The following FAT3 variants were observed in gnomAD, a reference collection of about 807,000 sequenced individuals.
FAT3 encodes the protein protocadherin Fat 3.
In FAT3, 95 loss-of-function variants were observed where a neutral mutation model predicts 310.2. The observed-to-expected ratio is 0.31, with a 90% CI of 0.26 to 0.36. The LOEUF (loss-of-function observed/expected upper bound fraction) is 0.36, where lower values mean the gene tolerates loss of function less well. Ranked by LOEUF, FAT3 falls within the 10% of genes least tolerant of loss-of-function variation. The pLI is 1.00. For synonymous variants in FAT3, 2,314 were observed against 2,192.9 expected, an observed-to-expected ratio of 1.06 and a Z score of -1.54; for missense variants, 5,408 against 5,715.6, an observed-to-expected ratio of 0.95 and a Z score of 1.74.
intron 1 of FAT3, among the ~76,000 whole-genome samples, chr11:92,260,750 G>A (rs1310585086): frequency 1.3e-5 from 2 of 152,050 alleles, no homozygotes; most frequent in Non-Finnish European, 2.9e-5. Flanking sequence ...TACCATCTTA[G>A]GTTGTACCTG....
intron 3 of FAT3, among the ~76,000 whole-genome samples, chr11:92,597,156 T>C (rs1259944142): frequency 6.6e-6 from 1 of 152,210 alleles, no homozygotes; most frequent in African/African-American, 2.4e-5. Flanking sequence ...GAAACAACTC[T>C]AGGGGAATTT....
chr11:92,876,138 G>C (rs1023920213), intron 22 of FAT3, among the ~76,000 whole-genome samples: 11 of 152,124 alleles, frequency 7.2e-5, no homozygotes, highest in African/African-American at 2.7e-4. Flanking sequence ...TTTTCGCCAA[G>C]TTTACCTACC....
intron 3 of FAT3, among the ~76,000 whole-genome samples, chr11:92,642,262 G>A (rs956739249): frequency 6.6e-6 from 1 of 152,204 alleles, no homozygotes; most frequent in East Asian, 1.9e-4. Context: ...ATTGCCTTTG[G>A]GTTCTCCAGT....
At chr11:92,701,752 G>T (rs1265509214) in intron 4 of FAT3, among the ~76,000 whole-genome samples, 1 of 152,204 alleles carries the variant, frequency 6.6e-6, no homozygotes, top group Non-Finnish European at 1.5e-5. Context: ...TAACGTTTTA[G>T]TTTTTTGGTT....
In FAT3 at chr11:92,801,639, A is replaced by G; in HGVS notation, c.8626A>G (p.Ser2876Gly). Residue 2876 changes from serine to glycine, a missense_variant, in exon 10 of 28, where the codon AGT becomes GGT. Transcript: ENST00000525166. ...FNIDSNTGWI[S>G]TLKDLDHETD... ...TATTGACAGCAACACGGGCTGGATC[A>G]GTACCTTGAAGGACCTAGATCACGA... 22 of 1,613,884 alleles carry G rather than the reference A, an allele frequency of 1.4e-5. No homozygotes were observed. The highest frequency in any genetic ancestry group is 1.9e-5 in the Non-Finnish European group (22 of 1,179,838).
chr11:92,340,951 T>C (rs1453879776), intron 1 of FAT3, among the ~76,000 whole-genome samples: 1 of 152,150 alleles, frequency 6.6e-6, no homozygotes, highest in Non-Finnish European at 1.5e-5. Context: ...ACTAGTTTTC[T>C]CTTAGGATGA....
At chr11:92,566,333 C>T (rs1030305452) in intron 3 of FAT3, among the ~76,000 whole-genome samples, 8 of 151,976 alleles carry the variant, frequency 5.3e-5, no homozygotes, top group Non-Finnish European at 7.4e-5. Context: ...TTACAAGGGA[C>T]GTGAAGGAAC....
chr11:92,598,587 A>G (rs1011770244), intron 3 of FAT3, among the ~76,000 whole-genome samples: 4 of 152,122 alleles, frequency 2.6e-5, no homozygotes, highest in Non-Finnish European at 5.9e-5. Context: ...ATTTATCCTC[A>G]TTTTATAAAT....
At chr11:92,442,081 T>TTATATATATATATATATA (rs869247397) in intron 2 of FAT3, among the ~76,000 whole-genome samples, 4 of 69,988 alleles carry the variant, frequency 5.7e-5, no homozygotes, top group African/African-American at 3.3e-4. Flanking sequence ...AATATATATT[T>TTATATATATATATATATA]TATATATATA....
At chr11:92,372,127 G>A (rs956513166) in intron 2 of FAT3, among the ~76,000 whole-genome samples, 4 of 152,108 alleles carry the variant, frequency 2.6e-5, no homozygotes, top group African/African-American at 9.7e-5. Flanking sequence ...CCCATTTCTG[G>A]CCTTTTATTG....
At chr11:92,448,227 A>G (rs1394168113) in intron 2 of FAT3, among the ~76,000 whole-genome samples, 1 of 152,160 alleles carries the variant, frequency 6.6e-6, no homozygotes, top group Non-Finnish European at 1.5e-5. Flanking sequence ...GGATTCATTA[A>G]CTGTTAGCTG....
intron 2 of FAT3, among the ~76,000 whole-genome samples, chr11:92,361,073 C>G (rs899702291): frequency 1.3e-5 from 2 of 152,120 alleles, no homozygotes; most frequent in Non-Finnish European, 1.5e-5. Flanking sequence ...GCCCCAGACT[C>G]TGGGGGAACA....
intron 3 of FAT3, among the ~76,000 whole-genome samples, chr11:92,633,506 G>C (rs1192230334): frequency 6.6e-6 from 1 of 152,142 alleles, no homozygotes; most frequent in Non-Finnish European, 1.5e-5. Context: ...GTAGACTGTT[G>C]ACTAGTTCCA....
At chr11:92,587,210 T>C (rs2135549571) in intron 3 of FAT3, among the ~76,000 whole-genome samples, 1 of 152,150 alleles carries the variant, frequency 6.6e-6, no homozygotes, top group Admixed American at 6.6e-5. Context: ...TTTAATATTC[T>C]CACACAGAAA....
chr11:92,584,022 G>A (rs555875744), intron 3 of FAT3, among the ~76,000 whole-genome samples: 34 of 152,066 alleles, frequency 2.2e-4, no homozygotes, highest in African/African-American at 4.6e-4. Context: ...AATTCTTTCC[G>A]GGTGACCTCA....
At chr11:92,508,145 G>A (rs922695166) in intron 2 of FAT3, among the ~76,000 whole-genome samples, 1 of 152,046 alleles carries the variant, frequency 6.6e-6, no homozygotes, top group Non-Finnish European at 1.5e-5. Flanking sequence ...GTCTTCCTTT[G>A]CTTGTTTTGT....
intron 4 of FAT3, among the ~76,000 whole-genome samples, chr11:92,747,949 C>T (rs1457912273): frequency 6.6e-6 from 1 of 152,214 alleles, no homozygotes; most frequent in East Asian, 1.9e-4. Flanking sequence ...GTTCTCTCTT[C>T]TTCTGAGCCC....
chr11:92,638,173 T>A (rs1299406962), intron 3 of FAT3, among the ~76,000 whole-genome samples: 1 of 152,230 alleles, frequency 6.6e-6, no homozygotes, highest in Non-Finnish European at 1.5e-5. Flanking sequence ...GACTGGGTGA[T>A]AGGGTGACCA....
intron 4 of FAT3, among the ~76,000 whole-genome samples, chr11:92,702,243 A>T (rs1944119836): frequency 6.6e-6 from 1 of 152,158 alleles, no homozygotes; most frequent in African/African-American, 2.4e-5. Context: ...TCATCTCTGT[A>T]TACAAGCATC....
Sources: allele counts gnomAD v4.1 joint callset (sites outside exome capture counted in the v4.1 genomes callset), GRCh38; gene constraint gnomAD v4.1.1; transcripts MANE v1.5; gene names NCBI Gene and HGNC (gene_info 2026-07-23, HGNC 2026-07-21).